GABRB2: variants seen among roughly 807,000 people sequenced by gnomAD.
GABRB2 encodes gamma-aminobutyric acid type A receptor subunit beta2.
Under a neutral mutation model 54.7 loss-of-function variants are expected in GABRB2, and 16 were observed. The observed-to-expected ratio is 0.29, with a 90% confidence interval of 0.20 to 0.44. GABRB2 has a LOEUF of 0.44. Among genes scored for constraint, GABRB2 ranks in the 20% least tolerant of loss-of-function variants. The probability of loss-of-function intolerance (pLI) is 1.00; values close to 1 mark genes in which losing one functional copy is unlikely to be tolerated. For synonymous variants in GABRB2, 244 were observed against 233.8 expected (o/e 1.04, Z -0.40); for missense variants, 355 against 644.0 (o/e 0.55, Z 4.86).
intron 8 of GABRB2, chr5:161,330,196 A>G (rs1210552869): frequency 6.6e-6 from 1 of 152,228 alleles, no homozygotes; most frequent in Non-Finnish European, 1.5e-5. Context: ...TTTTGTGGGA[A>G]TCTTTGACCA....
At chr5:161,419,349 C>T (rs1481884785) in intron 4 of GABRB2, among the ~76,000 whole-genome samples, 1 of 152,136 alleles carries the variant, frequency 6.6e-6, no homozygotes, top group African/African-American at 2.4e-5. Context: ...AACACTTATA[C>T]ACTGTTGGTG....
intron 3 of GABRB2, among the ~76,000 whole-genome samples, chr5:161,479,771 G>A (rs187019008): frequency 3.9e-5 from 6 of 151,944 alleles, no homozygotes. Context: ...TGGATTTTTA[G>A]TAGAGACGGG....
intron 3 of GABRB2, among the ~76,000 whole-genome samples, chr5:161,521,310 C>T (rs1760109056): frequency 6.6e-6 from 1 of 151,862 alleles, no homozygotes; most frequent in Non-Finnish European, 1.5e-5. Flanking sequence ...GATTATACTT[C>T]CAATAACTTG....
chr5:161,314,090 C>T (rs1350636889), intron 9 of GABRB2, among the ~76,000 whole-genome samples: 1 of 152,228 alleles, frequency 6.6e-6, no homozygotes, highest in Non-Finnish European at 1.5e-5. Flanking sequence ...CAGAGACCAA[C>T]ATTTTCCACT....
chr5:161,535,155 A>G (rs1179605863), intron 3 of GABRB2, among the ~76,000 whole-genome samples: 2 of 152,180 alleles, frequency 1.3e-5, no homozygotes, highest in Admixed American at 6.5e-5. Context: ...TTATGACAGA[A>G]TCAACATCTT....
intron 3 of GABRB2, among the ~76,000 whole-genome samples, chr5:161,522,067 A>G (rs934203806): frequency 1.3e-5 from 2 of 151,806 alleles, no homozygotes; most frequent in African/African-American, 2.4e-5. Context: ...GGACATCTGC[A>G]TTTCCCTACG....
At chr5:161,377,025 C>A (rs1204488862) in intron 5 of GABRB2, among the ~76,000 whole-genome samples, 1 of 151,764 alleles carries the variant, frequency 6.6e-6, no homozygotes, top group Non-Finnish European at 1.5e-5. Context: ...TTAATATAAC[C>A]ATGTAATAAT....
intron 5 of GABRB2, among the ~76,000 whole-genome samples, chr5:161,400,970 G>C (rs1489671805): frequency 6.6e-6 from 1 of 152,130 alleles, no homozygotes. Context: ...GGTGTAGGGG[G>C]TGATGTCTAC....
intron 3 of GABRB2, among the ~76,000 whole-genome samples, chr5:161,487,904 G>A (rs568015497): frequency 2.0e-5 from 3 of 152,010 alleles, no homozygotes; most frequent in South Asian, 4.1e-4. Context: ...GAGTTTGGCA[G>A]TTCCTAACAC....
At chr5:161,407,641 G>A (rs1398003670) in intron 5 of GABRB2, among the ~76,000 whole-genome samples, 1 of 151,918 alleles carries the variant, frequency 6.6e-6, no homozygotes, top group East Asian at 1.9e-4. Context: ...TAGAAAAATA[G>A]GCAGTATTCC....
intron 4 of GABRB2, among the ~76,000 whole-genome samples, chr5:161,430,576 T>C (rs1294184853): frequency 6.6e-6 from 1 of 152,104 alleles, no homozygotes; most frequent in Non-Finnish European, 1.5e-5. Context: ...GCCTAGCATA[T>C]AGAGTTGCTG....
At chr5:161,343,446 T>C (rs1754231071) in intron 5 of GABRB2, among the ~76,000 whole-genome samples, 1 of 152,026 alleles carries the variant, frequency 6.6e-6, no homozygotes, top group Admixed American at 6.6e-5. Flanking sequence ...AACAATCAAG[T>C]AAAATGTCAG....
intron 3 of GABRB2, among the ~76,000 whole-genome samples, chr5:161,517,746 A>G (rs987157730): frequency 2.0e-5 from 3 of 152,070 alleles, no homozygotes; most frequent in African/African-American, 7.2e-5. Context: ...TCTAATCAAC[A>G]CATCTTATCT....
chr5:161,477,198 A>G (rs1376224918), intron 3 of GABRB2, among the ~76,000 whole-genome samples: 1 of 151,670 alleles, frequency 6.6e-6, no homozygotes, highest in Non-Finnish European at 1.5e-5. Flanking sequence ...ATCACTAATC[A>G]TTATAAAAAT....
chr5:161,422,010 TATA>T (rs1756867819), intron 4 of GABRB2, among the ~76,000 whole-genome samples: 1 of 152,152 alleles, frequency 6.6e-6, no homozygotes, highest in African/African-American at 2.4e-5. Context: ...TTAAAGGAAT[TATA>T]ATATCTGGTA....
intron 5 of GABRB2, among the ~76,000 whole-genome samples, chr5:161,350,198 G>A (rs1310520568): frequency 3.3e-5 from 5 of 152,046 alleles, no homozygotes; most frequent in Non-Finnish European, 5.9e-5. Flanking sequence ...GGAAGTCATA[G>A]AGCAATTAGG....
chr5:161,399,734 C>T (rs528331701), intron 5 of GABRB2, among the ~76,000 whole-genome samples: 10 of 152,278 alleles, frequency 6.6e-5, no homozygotes, highest in Middle Eastern at 3.4e-3. Flanking sequence ...TCAATACATT[C>T]ACTTGCTAAC....
chr5:161,335,752 A>G (rs1217129216), intron 6 of GABRB2, among the ~76,000 whole-genome samples: 3 of 152,164 alleles, frequency 2.0e-5, no homozygotes, highest in Non-Finnish European at 4.4e-5. Context: ...TTAGGAATTC[A>G]GCGGACCTCA....
At chr5:161,531,276 T>C (rs753770923) in intron 3 of GABRB2, among the ~76,000 whole-genome samples, 11 of 152,176 alleles carry the variant, frequency 7.2e-5, no homozygotes, top group African/African-American at 2.7e-4. Context: ...TCATGATTAA[T>C]GTTAAAAGTA....
Sources: gnomAD v4.1 joint callset for allele counts (sites outside exome capture counted in the v4.1 genomes callset) on GRCh38, gnomAD v4.1.1 for gene constraint, MANE v1.5 for transcripts, NCBI Gene and HGNC (gene_info 2026-07-23, HGNC 2026-07-21) for gene names.